PDE4D: variants seen among roughly 807,000 people sequenced by gnomAD.
PDE4D encodes 3',5'-cyclic-AMP phosphodiesterase 4D.
Under a neutral mutation model 87.4 loss-of-function variants are expected in PDE4D, and 24 were observed. The ratio of observed to expected loss-of-function variants is 0.27; its 90% CI spans 0.20 to 0.39. PDE4D has a LOEUF of 0.39. PDE4D is among the 10% of genes least tolerant of loss of function. The pLI, the probability that PDE4D is intolerant of heterozygous loss-of-function variation, is 1.00. For missense variants in PDE4D, 714 were observed against 1,041.0 expected (o/e 0.69, Z 4.32); for synonymous variants, 384 against 383.2 (o/e 1.00, Z -0.02).
rs185519277 is a variant in PDE4D at position 59,184,897 on chromosome 5, G to A, written c.758+292C>T. Among the ~76,000 whole-genome samples, 363 of 152,222 alleles carry A rather than the reference G, an allele frequency of 2.4e-3. 2 individuals carry two copies. Among genetic ancestry groups the A allele is most frequent in the African/African-American group, 8.0e-3 (334 of 41,552 alleles). On this transcript the variant is annotated intron_variant, in intron 4 of 14. Coordinates refer to ENST00000340635, the MANE Select transcript of PDE4D (RefSeq NM_001104631.2). Reference sequence around the variant, plus strand: ...CCACGGTTAATTTATGAAGTAAGCCGAAACTATAAAGTTACCCTGAGTGTA... The same window carrying A: ...CCACGGTTAATTTATGAAGTAAGCCAAAACTATAAAGTTACCCTGAGTGTA...
intron 11 of PDE4D, among the ~76,000 whole-genome samples, chr5:58,979,659 T>TAAC (rs1744635113): frequency 2.0e-5 from 3 of 152,298 alleles, no homozygotes; most frequent in African/African-American, 7.2e-5. Context: ...TTAGCTTATA[T>TAAC]AACATTTTTG....
chr5:59,768,728 C>T lies in PDE4D; in HGVS notation c.455+124440G>A, dbSNP rs1426802273. 4.3e-6 allele frequency: 5 copies of T among 1,162,140 alleles called. No individual in the cohort carries two copies. In the Admixed American group the frequency reaches 1.2e-4, roughly 28 times the overall value. 72.0% of individuals were successfully genotyped at this position (1,162,140 alleles called of 1,614,324 possible). ...AAACGTCACCCCTCCTCTCCCAAGC[C>T]CCTGCCAAAGATCACTGACAAGCTC... On this transcript the variant is annotated intron_variant, in intron 1 of 14. Coordinates refer to ENST00000340635, the MANE Select transcript of PDE4D (RefSeq NM_001104631.2).
At chr5:60,143,433 A>G (rs1050967974) in intron 2 of PDE4D, among the ~76,000 whole-genome samples, 1 of 152,208 alleles carries the variant, frequency 6.6e-6, no homozygotes, top group Admixed American at 6.5e-5. Context: ...AGACACACAT[A>G]TATTTTTACT....
At chr5:59,669,688 A>G (rs1236304914) in intron 1 of PDE4D, among the ~76,000 whole-genome samples, 1 of 152,168 alleles carries the variant, frequency 6.6e-6, no homozygotes, top group African/African-American at 2.4e-5. Context: ...ATGGGAGACC[A>G]CAGTTTTCAT....
intron 1 of PDE4D, among the ~76,000 whole-genome samples, chr5:59,400,825 G>C (rs1790476112): frequency 6.6e-6 from 1 of 152,258 alleles, no homozygotes; most frequent in Non-Finnish European, 1.5e-5. Flanking sequence ...AATGCTAATA[G>C]TTATTATTCA....
chr5:59,504,067 C>T (rs1286129125), intron 1 of PDE4D, among the ~76,000 whole-genome samples: 1 of 150,906 alleles, frequency 6.6e-6, no homozygotes, highest in African/African-American at 2.4e-5. Flanking sequence ...TTGAAGAATC[C>T]TTGTAGAATG....
chr5:59,189,443 G>GT (rs1743812067), intron 3 of PDE4D, among the ~76,000 whole-genome samples: 1 of 151,898 alleles, frequency 6.6e-6, no homozygotes, highest in Middle Eastern at 3.4e-3. Flanking sequence ...TAATGCTTGG[G>GT]TTTTCCTGTT....
At chr5:59,822,217 T>C (rs1005944501) in intron 1 of PDE4D, among the ~76,000 whole-genome samples, 5 of 152,340 alleles carry the variant, frequency 3.3e-5, no homozygotes, top group South Asian at 2.1e-4. Flanking sequence ...TTAAACTTTA[T>C]ACTCAAAGAA....
intron 1 of PDE4D, among the ~76,000 whole-genome samples, chr5:59,482,785 C>A (rs2153656885): frequency 6.6e-6 from 1 of 152,142 alleles, no homozygotes; most frequent in South Asian, 2.1e-4. Flanking sequence ...TAATAATAAC[C>A]ATCATTTTTC....
intron 1 of PDE4D, among the ~76,000 whole-genome samples, chr5:60,194,156 T>C (rs1166284809): frequency 1.3e-5 from 2 of 151,604 alleles, no homozygotes; most frequent in African/African-American, 4.8e-5. Context: ...AAAATGTCTG[T>C]TATCTTTCTT....
At chr5:59,519,563 G>A (rs566584049) in intron 1 of PDE4D, among the ~76,000 whole-genome samples, 21 of 152,284 alleles carry the variant, frequency 1.4e-4, no homozygotes, top group East Asian at 3.9e-4. Flanking sequence ...TGGGTGAGGC[G>A]GACAGTGGTT....
At chr5:60,290,148 CT>C (rs1403403709) in intron 1 of PDE4D, among the ~76,000 whole-genome samples, 1 of 152,162 alleles carries the variant, frequency 6.6e-6, no homozygotes, top group Non-Finnish European at 1.5e-5. Flanking sequence ...TGGATTCCAT[CT>C]GACCAGCCAT....
At chr5:60,083,537 G>C (rs1774205336) in intron 2 of PDE4D, among the ~76,000 whole-genome samples, 1 of 152,218 alleles carries the variant, frequency 6.6e-6, no homozygotes, top group African/African-American at 2.4e-5. Context: ...TTGGTCATCA[G>C]ATGTAATCAT....
chr5:59,993,310 G>C (rs1159096833), intron 2 of PDE4D, among the ~76,000 whole-genome samples: 9 of 152,102 alleles, frequency 5.9e-5, no homozygotes, highest in Non-Finnish European at 1.2e-4. Context: ...TAATAAAACT[G>C]TTTGGCAAAT....
At chr5:60,248,855 G>A (rs1455346121) in intron 1 of PDE4D, among the ~76,000 whole-genome samples, 3 of 151,886 alleles carry the variant, frequency 2.0e-5, no homozygotes, top group African/African-American at 7.3e-5. Flanking sequence ...ACTTCCCATA[G>A]CCTGACACAT....
intron 2 of PDE4D, among the ~76,000 whole-genome samples, chr5:59,204,886 A>C (rs1336535029): frequency 4.6e-5 from 7 of 152,240 alleles, no homozygotes; most frequent in African/African-American, 1.4e-4. Context: ...AAGATTCAAT[A>C]GATTAAAAGG....
At chr5:59,308,196 C>T (rs2153564278) in intron 1 of PDE4D, among the ~76,000 whole-genome samples, 1 of 147,648 alleles carries the variant, frequency 6.8e-6, no homozygotes, top group East Asian at 2.0e-4. Context: ...GAACATCACA[C>T]TCTGGGGACT....
intron 1 of PDE4D, among the ~76,000 whole-genome samples, chr5:59,428,037 T>C (rs1795563265): frequency 6.6e-6 from 1 of 152,174 alleles, no homozygotes; most frequent in Non-Finnish European, 1.5e-5. Context: ...TGAGTTTACT[T>C]AAGATTTAGT....
At chr5:59,176,255 A>G (rs947885846) in intron 5 of PDE4D, among the ~76,000 whole-genome samples, 5 of 152,200 alleles carry the variant, frequency 3.3e-5, no homozygotes, top group Admixed American at 3.3e-4. Flanking sequence ...CCCTAATGCT[A>G]TAAAATCAAA....
Sources: allele counts gnomAD v4.1 joint callset (sites outside exome capture counted in the v4.1 genomes callset), GRCh38; gene constraint gnomAD v4.1.1; transcripts MANE v1.5; gene names NCBI Gene and HGNC (gene_info 2026-07-23, HGNC 2026-07-21).